Variants in YWHAE observed in about 807,000 individuals in gnomAD.
YWHAE encodes 14-3-3 protein epsilon.
In YWHAE, 4 loss-of-function variants were observed where a neutral mutation model predicts 30.1. The ratio of observed to expected loss-of-function variants is 0.13; its 90% confidence interval spans 0.07 to 0.30. YWHAE has a LOEUF of 0.30. Ranked by LOEUF, YWHAE falls within the 10% of genes least tolerant of loss-of-function variation. The pLI is 1.00. For missense variants in YWHAE, 121 were observed against 315.9 expected, an observed-to-expected ratio of 0.38 and a Z score of 4.68; for synonymous variants, 118 against 111.8, an observed-to-expected ratio of 1.06 and a Z score of -0.35.
chr17:1,354,914 A>C (rs906707836), intron 4 of YWHAE, among the ~76,000 whole-genome samples: 1 of 146,582 alleles, frequency 6.8e-6, no homozygotes, highest in Non-Finnish European at 1.5e-5. Context: ...CACCAGCCTC[A>C]GCATCCCAAA....
chr17:1,352,749 T>C (rs2072656367), intron 5 of YWHAE, among the ~76,000 whole-genome samples: 1 of 151,998 alleles, frequency 6.6e-6, no homozygotes. Flanking sequence ...ATGGTCTCGA[T>C]CTCCTGACCG....
intron 1 of YWHAE, among the ~76,000 whole-genome samples, chr17:1,370,121 T>C: frequency 2.4e-5 from 1 of 42,550 alleles, no homozygotes. Flanking sequence ...CAGAAAAACT[T>C]TTTTTTTTTT....
At chr17:1,380,751 A>C (rs1357585226) in intron 1 of YWHAE, among the ~76,000 whole-genome samples, 3 of 152,136 alleles carry the variant, frequency 2.0e-5, no homozygotes, top group African/African-American at 7.2e-5. Context: ...ATTTTTTCTA[A>C]CCCAGACTTT....
chr17:1,376,839 G>A (rs1213487134), intron 1 of YWHAE, among the ~76,000 whole-genome samples: 3 of 151,922 alleles, frequency 2.0e-5, no homozygotes, highest in Non-Finnish European at 4.4e-5. Context: ...AAACTGTTCA[G>A]AATCTGCCAT....
intron 5 of YWHAE, chr17:1,348,061 A>G: frequency 1.1e-6 from 1 of 918,034 alleles, no homozygotes; most frequent in South Asian, 5.1e-5. Flanking sequence ...GCAACATTAC[A>G]AGAAAAATAA....
At chr17:1,348,108 G>A in intron 5 of YWHAE, 3 of 519,722 alleles carry the variant, frequency 5.8e-6, no homozygotes, top group African/African-American at 2.1e-5. Context: ...AATGATACAG[G>A]AGCCGGACTT....
intron 1 of YWHAE, among the ~76,000 whole-genome samples, chr17:1,366,050 T>G (rs1411802583): frequency 6.6e-6 from 1 of 151,944 alleles, no homozygotes; most frequent in Non-Finnish European, 1.5e-5. Flanking sequence ...ACACTGTCTC[T>G]ACTAAAAATA....
rs2073548393 is a variant in YWHAE at position 1,400,206 on chromosome 17, T to C, written c.-96A>G. Reference sequence around the variant, plus strand: ...TCGCTCCGCGTCCGGGCAGCAAAAATGGCGGCGCCTCAATCCGGGACTTCC... The same window carrying C: ...TCGCTCCGCGTCCGGGCAGCAAAAACGGCGGCGCCTCAATCCGGGACTTCC... On this transcript the variant is annotated 5_prime_UTR_variant, in exon 1 of 6. Coordinates refer to ENST00000264335, the MANE Select transcript of YWHAE (RefSeq NM_006761.5). 6.9e-7 allele frequency: 1 copy of C among 1,444,598 alleles called. No individual in the cohort carries two copies. The highest frequency in any genetic ancestry group is 1.4e-5 in the African/African-American group (1 of 71,588). The allele number at this position is 1,444,598 out of a possible 1,614,324, so 89.5% of individuals were successfully genotyped here.
chr17:1,373,634 C>A (rs891096975), intron 1 of YWHAE, among the ~76,000 whole-genome samples: 9 of 151,478 alleles, frequency 5.9e-5, no homozygotes, highest in African/African-American at 1.9e-4. Flanking sequence ...TGGCACTGCA[C>A]TCCAGCCTGG....
At chr17:1,366,343 C>G (rs1305560424) in intron 1 of YWHAE, among the ~76,000 whole-genome samples, 1 of 151,940 alleles carries the variant, frequency 6.6e-6, no homozygotes, top group Non-Finnish European at 1.5e-5. Flanking sequence ...AATTCAAGGC[C>G]AGCCTGGCCA....
At chr17:1,395,650 A>G (rs550613442) in intron 1 of YWHAE, among the ~76,000 whole-genome samples, 1 of 133,886 alleles carries the variant, frequency 7.5e-6, no homozygotes, top group South Asian at 2.1e-4. Flanking sequence ...GCCTACAGTC[A>G]AAGAACTGGT....
At chr17:1,382,046 GTTTT>G (rs765360634) in intron 1 of YWHAE, among the ~76,000 whole-genome samples, 16 of 151,310 alleles carry the variant, frequency 1.1e-4, no homozygotes, top group East Asian at 9.7e-4. Flanking sequence ...ATAAGTAGTA[GTTTT>G]TTTGTTTGTT....
chr17:1,346,421 A>C (rs1190509555), intron 5 of YWHAE, among the ~76,000 whole-genome samples: 1 of 152,250 alleles, frequency 6.6e-6, no homozygotes, highest in Non-Finnish European at 1.5e-5. Context: ...CCCAAGAATC[A>C]TAAATGTTCA....
chr17:1,351,509 G>A (rs986712268), intron 5 of YWHAE, among the ~76,000 whole-genome samples: 6 of 151,934 alleles, frequency 3.9e-5, no homozygotes, highest in Admixed American at 1.3e-4. Context: ...TCAATCCCGC[G>A]CCCCAAACTC....
intron 1 of YWHAE, among the ~76,000 whole-genome samples, chr17:1,367,666 AG>A (rs1249879672): frequency 2.0e-5 from 3 of 152,198 alleles, no homozygotes; most frequent in Non-Finnish European, 2.9e-5. Context: ...GAAAGAGAAG[AG>A]GAGACGGGAG....
At chr17:1,349,640 G>C (rs1157973896) in intron 5 of YWHAE, among the ~76,000 whole-genome samples, 1 of 150,278 alleles carries the variant, frequency 6.7e-6, no homozygotes, top group African/African-American at 2.5e-5. Flanking sequence ...TTGAGACGGA[G>C]TCTTGCTCTG....
At chr17:1,367,624 C>T (rs989938910) in intron 1 of YWHAE, among the ~76,000 whole-genome samples, 1 of 152,056 alleles carries the variant, frequency 6.6e-6, no homozygotes, top group African/African-American at 2.4e-5. Flanking sequence ...TGTACTCCAG[C>T]TTGGATGACA....
intron 2 of YWHAE, among the ~76,000 whole-genome samples, chr17:1,363,844 C>T (rs1417774928): frequency 1.4e-5 from 2 of 140,276 alleles, no homozygotes; most frequent in East Asian, 2.5e-4. Context: ...CCTGTATTTA[C>T]GTGCCTGTCT....
chr17:1,391,262 T>G (rs993576016), intron 1 of YWHAE, among the ~76,000 whole-genome samples: 1 of 152,062 alleles, frequency 6.6e-6, no homozygotes, highest in Non-Finnish European at 1.5e-5. Context: ...TTCCTTTGAC[T>G]TATATTCTGC....
Sources: gnomAD v4.1 joint callset for allele counts (sites outside exome capture counted in the v4.1 genomes callset) on GRCh38, gnomAD v4.1.1 for gene constraint, MANE v1.5 for transcripts, NCBI Gene and HGNC (gene_info 2026-07-23, HGNC 2026-07-21) for gene names.